INSC: variants seen among roughly 807,000 people sequenced by gnomAD.
INSC encodes the protein protein inscuteable homolog.
A neutral mutation model predicts 58.6 loss-of-function variants in INSC; 67 were observed. The ratio of observed to expected loss-of-function variants is 1.14; its 90% CI spans 0.94 to 1.40. The LOEUF (loss-of-function observed/expected upper bound fraction) is 1.40. Ranked by LOEUF, INSC falls within the 40% of genes most tolerant of loss-of-function variation. The pLI is 0.00. For missense variants in INSC, 714 were observed against 692.0 expected (o/e 1.03, Z -0.36); for synonymous variants, 262 against 276.1 (o/e 0.95, Z 0.51).
At chr11:15,116,896 C>T (rs1167775114) in intron 1 of INSC, among the ~76,000 whole-genome samples, 2 of 40,302 alleles carry the variant, frequency 5.0e-5, no homozygotes, top group Non-Finnish European at 9.5e-5. Context: ...TCCCTCCCTC[C>T]CTCCCTCCCT....
intron 1 of INSC, among the ~76,000 whole-genome samples, chr11:15,124,361 C>T (rs1847941215): frequency 6.6e-6 from 1 of 152,152 alleles, no homozygotes; most frequent in Non-Finnish European, 1.5e-5. Flanking sequence ...TCTTGGCTCA[C>T]TATCTGCTTT....
At chr11:15,219,884 T>G (rs1386248139) in intron 7 of INSC, among the ~76,000 whole-genome samples, 1 of 152,182 alleles carries the variant, frequency 6.6e-6, no homozygotes, top group Non-Finnish European at 1.5e-5. Context: ...TTCCCTTCCC[T>G]TTTCTAGGCC....
chr11:15,256,727 A>T, the INSC span, among the ~76,000 whole-genome samples: 1 of 152,034 alleles, frequency 6.6e-6, no homozygotes, highest in Non-Finnish European at 1.5e-5. Context: ...TGACCTCATG[A>T]TCCACCCACT....
chr11:15,253,133 A>T, the INSC span, among the ~76,000 whole-genome samples: 1 of 152,254 alleles, frequency 6.6e-6, no homozygotes, highest in Non-Finnish European at 1.5e-5. Flanking sequence ...GATTTCAAAA[A>T]CAACAGTTCA....
chr11:15,230,005 A>ATG (rs1296371669), intron 9 of INSC, among the ~76,000 whole-genome samples: 3 of 25,922 alleles, frequency 1.2e-4, no homozygotes, highest in African/African-American at 5.0e-4. Context: ...ATATATATAT[A>ATG]TATATATAAT....
At chr11:15,145,980 A>C (rs1004257250) in intron 1 of INSC, among the ~76,000 whole-genome samples, 5 of 152,218 alleles carry the variant, frequency 3.3e-5, no homozygotes, top group African/African-American at 1.2e-4. Context: ...TTCAATCATC[A>C]AACCTGGATT....
At chr11:15,134,285 G>A (rs967070018) in intron 1 of INSC, among the ~76,000 whole-genome samples, 4 of 152,216 alleles carry the variant, frequency 2.6e-5, no homozygotes, top group Admixed American at 6.5e-5. Context: ...CCAATTGAAC[G>A]ATGACACAAT....
At chr11:15,259,350 T>C in the INSC span, among the ~76,000 whole-genome samples, 1 of 152,160 alleles carries the variant, frequency 6.6e-6, no homozygotes, top group African/African-American at 2.4e-5. Context: ...TGGAACTATC[T>C]GAAAAAAATT....
At chr11:15,234,473 A>G (rs1852045640) in intron 9 of INSC, among the ~76,000 whole-genome samples, 1 of 152,242 alleles carries the variant, frequency 6.6e-6, no homozygotes, top group East Asian at 1.9e-4. Context: ...CTTGGTAGAC[A>G]TAACATTACT....
intron 2 of INSC, among the ~76,000 whole-genome samples, chr11:15,170,436 G>A (rs1341174097): frequency 1.3e-5 from 2 of 151,974 alleles, no homozygotes; most frequent in Non-Finnish European, 2.9e-5. Context: ...CAGGTGTTTT[G>A]TAGAATGTCC....
intron 1 of INSC, among the ~76,000 whole-genome samples, chr11:15,144,120 G>A (rs1160497104): frequency 4.6e-5 from 7 of 152,170 alleles, no homozygotes; most frequent in Non-Finnish European, 1.5e-5. Flanking sequence ...GGAAACAAGT[G>A]CCTGGCTTTT....
chr11:15,240,951 C>T (rs1852327242), intron 12 of INSC, among the ~76,000 whole-genome samples: 1 of 152,178 alleles, frequency 6.6e-6, no homozygotes, highest in African/African-American at 2.4e-5. Flanking sequence ...TCTGCTGGTG[C>T]TCTTCCAGCA....
chr11:15,177,032 G>A (rs1237153517), intron 3 of INSC, 79 bp from the exon 4 acceptor site: 1 of 1,067,972 alleles, frequency 9.4e-7, no homozygotes, highest in African/African-American at 1.6e-5. Flanking sequence ...CATGTTTAAT[G>A]TCCCCGTGTG....
intron 8 of INSC, among the ~76,000 whole-genome samples, chr11:15,222,278 AATCCCCAGG>A (rs575611409): frequency 0.011 from 1,706 of 152,336 alleles, 10 homozygotes; most frequent in Non-Finnish European, 0.016. Flanking sequence ...TCTGGATAAC[AATCCCCAGG>A]GAATTTTTTG....
rs144304120 is a variant in INSC, at chr11:15,163,984, C to A, written c.57-11757C>A. Reference sequence around the variant, plus strand: ...ATCTTATGTGTTTCTTCTTGTTTAGCCTTTGTTTCTAAAATGACTTTCCCC... The same window carrying A: ...ATCTTATGTGTTTCTTCTTGTTTAGACTTTGTTTCTAAAATGACTTTCCCC... On this transcript the variant is annotated intron_variant, in intron 2 of 12. Coordinates refer to ENST00000379556, the MANE Select transcript of INSC (RefSeq NM_001042536.3). Among the ~76,000 whole-genome samples the A allele has an allele frequency of 3.3e-5, 5 of 152,178 alleles. 1 individual carries two copies. Among genetic ancestry groups the A allele is most frequent in the Middle Eastern group, 6.8e-3 (2 of 294 alleles).
At chr11:15,128,792 A>G (rs1460539195) in intron 1 of INSC, among the ~76,000 whole-genome samples, 2 of 152,170 alleles carry the variant, frequency 1.3e-5, no homozygotes, top group African/African-American at 4.8e-5. Context: ...CCAGCTATGC[A>G]AAGATTAGGG....
At chr11:15,133,494 T>A (rs1848170975) in intron 1 of INSC, among the ~76,000 whole-genome samples, 1 of 152,208 alleles carries the variant, frequency 6.6e-6, no homozygotes, top group African/African-American at 2.4e-5. Flanking sequence ...CTGAGGCCCA[T>A]ATTGTGGTCA....
chr11:15,218,031 T>C (rs75545537), intron 7 of INSC, among the ~76,000 whole-genome samples: 171 of 152,262 alleles, frequency 1.1e-3, no homozygotes, highest in African/African-American at 4.0e-3. Flanking sequence ...CACTCCTAGA[T>C]TGGGATCTCT....
chr11:15,248,407 A>C (rs998393176), downstream of INSC, among the ~76,000 whole-genome samples: 3 of 152,214 alleles, frequency 2.0e-5, no homozygotes, highest in Non-Finnish European at 4.4e-5. Context: ...AAAGGTAAAT[A>C]ACTTCTTAGT....
Sources: allele counts gnomAD v4.1 joint callset (sites outside exome capture counted in the v4.1 genomes callset), GRCh38; gene constraint gnomAD v4.1.1; transcripts MANE v1.5; gene names NCBI Gene and HGNC (gene_info 2026-07-23, HGNC 2026-07-21).